Variants in ADAM10 observed in about 807,000 individuals in gnomAD.
ADAM10 encodes disintegrin and metalloproteinase domain-containing protein 10.
In ADAM10, 17 loss-of-function variants were observed where a neutral mutation model predicts 90.1. The observed-to-expected ratio is 0.19, with a 90% confidence interval of 0.13 to 0.28. ADAM10 has a LOEUF of 0.28. Among genes scored for constraint, ADAM10 ranks in the 10% least tolerant of loss-of-function variants. The pLI is 1.00. For missense variants in ADAM10, 610 were observed against 914.3 expected (o/e 0.67, Z 4.29); for synonymous variants, 310 against 298.6 (o/e 1.04, Z -0.40).
At chr15:58,633,051 T>A in intron 9 of ADAM10, 145 bp downstream of exon 9, 1 of 767,520 alleles carries the variant, frequency 1.3e-6, no homozygotes, top group Non-Finnish European at 2.1e-6. Flanking sequence ...TCCCTTTCAG[T>A]ATGGTCAAAT....
chr15:58,684,642 G>A (rs544438613), intron 2 of ADAM10, among the ~76,000 whole-genome samples: 1 of 152,224 alleles, frequency 6.6e-6, no homozygotes, highest in Non-Finnish European at 1.5e-5. Context: ...CTTCCACTTA[G>A]GTGATCATGA....
rs369811028 is a variant in ADAM10, at chr15:58,592,626, A to G, written c.*4921T>C. 7.9e-5 allele frequency: 12 copies of G among 152,246 alleles called. No individual in the cohort carries two copies. The highest frequency in any genetic ancestry group is 2.9e-4 in the African/African-American group (12 of 41,560). 9.4% of individuals were successfully genotyped at this position (152,246 alleles called of 1,614,324 possible). On this transcript the variant is annotated 3_prime_UTR_variant, in exon 16 of 16. Coordinates refer to ENST00000260408, the MANE Select transcript of ADAM10 (RefSeq NM_001110.4). Reference sequence around the variant, plus strand: ...TAAGAGACCACAATTAGGGCACTCAATTTGACTTGCATTTGAATTATGTCT... The same window carrying G: ...TAAGAGACCACAATTAGGGCACTCAGTTTGACTTGCATTTGAATTATGTCT...
At chr15:58,655,677 C>CTATATATAGTGT (rs1555414878) in intron 5 of ADAM10, among the ~76,000 whole-genome samples, 2 of 72,448 alleles carry the variant, frequency 2.8e-5, no homozygotes, top group African/African-American at 1.4e-4. Flanking sequence ...TACATACATA[C>CTATATATAGTGT]ATATATATAT....
rs1484760787 is a variant in ADAM10, at chr15:58,592,658, A to G, written c.*4889T>C. On this transcript the variant is annotated 3_prime_UTR_variant, in exon 16 of 16. Transcript: ENST00000260408. ...TTGCATTTGAATTATGTCTAAAGCTAATCAACTGAATTAAGCATGAGTCTT... is the reference window on the plus strand; with the variant it reads ...TTGCATTTGAATTATGTCTAAAGCTGATCAACTGAATTAAGCATGAGTCTT... 1 of 152,094 alleles carries G rather than the reference A, an allele frequency of 6.6e-6. No homozygotes were observed. The highest frequency in any genetic ancestry group is 1.5e-5 in the Non-Finnish European group (1 of 68,014). 9.4% of individuals were successfully genotyped at this position (152,094 alleles called of 1,614,324 possible). A position where few individuals can be genotyped will look rare whatever the true frequency, so the allele number is the denominator to read the frequency against.
intron 5 of ADAM10, among the ~76,000 whole-genome samples, chr15:58,648,262 G>A (rs1244092743): frequency 6.6e-6 from 1 of 152,104 alleles, no homozygotes; most frequent in Non-Finnish European, 1.5e-5. Flanking sequence ...ACATTTGGGG[G>A]AACTGTCCCC....
At chr15:58,702,929 C>T (rs1406799848) in intron 2 of ADAM10, among the ~76,000 whole-genome samples, 1 of 152,100 alleles carries the variant, frequency 6.6e-6, no homozygotes, top group Non-Finnish European at 1.5e-5. Context: ...AATGAATAAT[C>T]AGGAATTTGA....
chr15:58,594,781 ATT>A lies in ADAM10; in HGVS notation c.*2764_*2765del, dbSNP rs1439780120. ...TTTATAATTACCCAAATCAATCAAT[ATT>A]GAGAGTTTCATAAATAACTAAACAT... is the stretch of plus-strand genomic sequence containing the variant. On this transcript the variant is annotated 3_prime_UTR_variant, in exon 16 of 16. Coordinates refer to ENST00000260408, the MANE Select transcript of ADAM10 (RefSeq NM_001110.4). The A allele has an allele frequency of 2.0e-5, 3 of 152,212 alleles. No homozygotes were observed. Among genetic ancestry groups the A allele is most frequent in the Non-Finnish European group, 2.9e-5 (2 of 68,030 alleles). 9.4% of individuals were successfully genotyped at this position (152,212 alleles called of 1,614,324 possible).
chr15:58,727,943 T>C (rs768250641), intron 1 of ADAM10, among the ~76,000 whole-genome samples: 1 of 151,992 alleles, frequency 6.6e-6, no homozygotes, highest in Non-Finnish European at 1.5e-5. Flanking sequence ...GTAACTAGAG[T>C]TGGAAATCAT....
At chr15:58,673,414 G>GT (rs199586106) in intron 4 of ADAM10, among the ~76,000 whole-genome samples, 2 of 146,000 alleles carry the variant, frequency 1.4e-5, no homozygotes, top group African/African-American at 2.5e-5. Context: ...AGCTGCAGCT[G>GT]TTTTTTTGAC....
intron 2 of ADAM10, chr15:58,686,546 G>T (rs1282906309): frequency 7.1e-7 from 1 of 1,412,998 alleles, no homozygotes; most frequent in African/African-American, 1.4e-5. Flanking sequence ...TGCCTGCAAG[G>T]ATGCCCTGCT....
intron 7 of ADAM10, among the ~76,000 whole-genome samples, chr15:58,641,825 T>A (rs2140688177): frequency 6.6e-6 from 1 of 152,328 alleles, no homozygotes; most frequent in East Asian, 1.9e-4. Flanking sequence ...AACCTCAGTC[T>A]GTTTGAAAAT....
At chr15:58,714,933 C>T (rs1277013154) in intron 2 of ADAM10, among the ~76,000 whole-genome samples, 5 of 151,928 alleles carry the variant, frequency 3.3e-5, no homozygotes, top group Non-Finnish European at 7.4e-5. Context: ...AAGGGAGGAA[C>T]AAGATCATCA....
chr15:58,731,366 C>A (rs192453323), intron 1 of ADAM10, among the ~76,000 whole-genome samples: 1 of 152,196 alleles, frequency 6.6e-6, no homozygotes, highest in African/African-American at 2.4e-5. Context: ...CACCTGTAAT[C>A]CTAACACTTT....
chr15:58,718,711 T>C (rs1390747736), intron 1 of ADAM10, among the ~76,000 whole-genome samples: 1 of 152,188 alleles, frequency 6.6e-6, no homozygotes, highest in African/African-American at 2.4e-5. Context: ...GATGATTCTT[T>C]AGCCTCAGGT....
chr15:58,695,357 T>C, intron 2 of ADAM10, among the ~76,000 whole-genome samples: 1 of 152,226 alleles, frequency 6.6e-6, no homozygotes, highest in East Asian at 1.9e-4. Context: ...TTGCTGCCTA[T>C]CATGTATTTT....
At chr15:58,635,067 A>G (rs936184643) in intron 8 of ADAM10, among the ~76,000 whole-genome samples, 1 of 152,050 alleles carries the variant, frequency 6.6e-6, no homozygotes, top group African/African-American at 2.4e-5. Flanking sequence ...AAAGAAACAC[A>G]AGGTCAGGAG....
intron 5 of ADAM10, among the ~76,000 whole-genome samples, chr15:58,660,703 T>A (rs1366134201): frequency 6.6e-6 from 1 of 152,258 alleles, no homozygotes; most frequent in African/African-American, 2.4e-5. Context: ...TAACTGTTTT[T>A]AAATACATTT....
intron 2 of ADAM10, among the ~76,000 whole-genome samples, chr15:58,689,298 C>A (rs570626526): frequency 6.6e-6 from 1 of 152,172 alleles, no homozygotes; most frequent in South Asian, 2.1e-4. Flanking sequence ...CCAGCCTGGG[C>A]AACATGGTGA....
Position 58,633,223 on chromosome 15 carries a change from G to A in ADAM10, c.1149C>T (p.His383=), listed in dbSNP as rs201536086. 26 of 1,613,226 alleles carry A rather than the reference G, an allele frequency of 1.6e-5. No individual in the cohort carries two copies. The highest frequency in any genetic ancestry group is 5.0e-5 in the Admixed American group (3 of 59,992). The change falls in exon 9 of 16, where the codon CAC becomes CAT. Residue 383 remains histidine (H), a synonymous_variant. Coordinates refer to ENST00000260408, the MANE Select transcript of ADAM10 (RefSeq NM_001110.4). ...GGGATCCAAAGTTATGTCCAACTTCGTGAGCAAAAGTAATGTGAGAGACTT... is the reference window on the plus strand; with the variant it reads ...GGGATCCAAAGTTATGTCCAACTTCATGAGCAAAAGTAATGTGAGAGACTT... The part of the protein sequence containing the change: ...PPKVSHITFA[H]EVGHNFGSPH...
Sources: gnomAD v4.1 joint callset for allele counts (sites outside exome capture counted in the v4.1 genomes callset) on GRCh38, gnomAD v4.1.1 for gene constraint, MANE v1.5 for transcripts, NCBI Gene and HGNC (gene_info 2026-07-23, HGNC 2026-07-21) for gene names.